SOS2: variants seen among roughly 807,000 people sequenced by gnomAD.
SOS2 encodes the protein son of sevenless homolog 2.
SOS2 carries 65 observed loss-of-function variants against 148.2 expected under a neutral mutation model. The ratio of observed to expected loss-of-function variants is 0.44; its 90% CI spans 0.36 to 0.54. SOS2 has a LOEUF of 0.54. Ranked by LOEUF, SOS2 falls within the 20% of genes least tolerant of loss-of-function variation. The pLI is 0.00. For synonymous variants in SOS2, 539 were observed against 537.1 expected (o/e 1.00, Z -0.05); for missense variants, 1,341 against 1,590.2 (o/e 0.84, Z 2.67).
In SOS2 at chr14:50,117,993, C is replaced by T. The variant is rs1299738137; in HGVS notation, c.*351G>A. Reference sequence around the variant, plus strand: ...TAAATTCACTGCCTTAAAAAGGCATCTATTACTCAAATTTGAAAAATTTCA... The same window carrying T: ...TAAATTCACTGCCTTAAAAAGGCATTTATTACTCAAATTTGAAAAATTTCA... On this transcript the variant is annotated 3_prime_UTR_variant, in exon 23 of 23. Transcript: ENST00000216373. 1.6e-5 allele frequency: 3 copies of T among 186,224 alleles called. No individual in the cohort carries two copies. In the East Asian group the frequency reaches 4.4e-4, roughly 27 times the overall value. 11.5% of individuals were successfully genotyped at this position (186,224 alleles called of 1,614,324 possible). A position where few individuals can be genotyped will look rare whatever the true frequency, so the allele number is the denominator to read the frequency against.
At chr14:50,147,668 G>C (rs532928349) in intron 14 of SOS2, among the ~76,000 whole-genome samples, 1 of 152,264 alleles carries the variant, frequency 6.6e-6, no homozygotes, top group Non-Finnish European at 1.5e-5. Context: ...AATAAGATTT[G>C]GGAGAATTAC....
At chr14:50,175,034 G>A (rs936569642) in intron 7 of SOS2, among the ~76,000 whole-genome samples, 18 of 147,748 alleles carry the variant, frequency 1.2e-4, no homozygotes, top group Admixed American at 2.1e-4. Flanking sequence ...TGACAAAGTC[G>A]ATCTTCACTG....
intron 1 of SOS2, among the ~76,000 whole-genome samples, chr14:50,212,205 G>A (rs572548724): frequency 6.6e-6 from 1 of 152,386 alleles, no homozygotes; most frequent in East Asian, 1.9e-4. Flanking sequence ...GCCAGGCGCG[G>A]TGGCTCGCGC....
At chr14:50,124,417 C>T (rs918890950) in intron 21 of SOS2, among the ~76,000 whole-genome samples, 8 of 152,116 alleles carry the variant, frequency 5.3e-5, no homozygotes, top group Admixed American at 1.3e-4. Flanking sequence ...AAGGCAGAGG[C>T]GTTGTCTTTC....
At chr14:50,139,515 C>CT (rs1884199029) in intron 17 of SOS2, among the ~76,000 whole-genome samples, 1 of 152,100 alleles carries the variant, frequency 6.6e-6, no homozygotes, top group Non-Finnish European at 1.5e-5. Flanking sequence ...GCCCAAAATA[C>CT]CAAAATTGTT....
At chr14:50,219,475 A>G (rs1049567889) in intron 1 of SOS2, among the ~76,000 whole-genome samples, 24 of 152,198 alleles carry the variant, frequency 1.6e-4, no homozygotes, top group Non-Finnish European at 3.1e-4. Context: ...TAGAAAATGC[A>G]ATCGATAATG....
chr14:50,122,391 C>CTTTTTTTTTTTTTTCTTTT lies in SOS2; in HGVS notation c.3380-2008_3380-2007insAAAAGAAAAAAAAAAAAAA, dbSNP rs1883542725. 1.7e-4 allele frequency among the ~76,000 whole-genome samples: 15 copies of CTTTTTTTTTTTTTTCTTTT among 88,288 alleles called. 1 individual carries two copies. Among genetic ancestry groups the CTTTTTTTTTTTTTTCTTTT allele is most frequent in the African/African-American group, 7.2e-4 (15 of 20,914 alleles). 57.9% of individuals were successfully genotyped at this position (88,288 alleles called of 152,430 possible). A position where few individuals can be genotyped will look rare whatever the true frequency, so the allele number is the denominator to read the frequency against. On this transcript the variant is annotated intron_variant, in intron 21 of 22. Coordinates refer to ENST00000216373, the MANE Select transcript of SOS2 (RefSeq NM_006939.4). Reference sequence around the variant, plus strand: ...ATGAAGAGTGAAAAAGAACCCTGGGCTTTTTTTTTTTTTTTTTTTTTTGAG... The same window carrying CTTTTTTTTTTTTTTCTTTT: ...ATGAAGAGTGAAAAAGAACCCTGGGCTTTTTTTTTTTTTTCTTTTTTTTTTTTTTTTTTTTTTTTTTGAG...
intron 4 of SOS2, among the ~76,000 whole-genome samples, chr14:50,190,981 G>A (rs1322907249): frequency 1.3e-5 from 2 of 152,128 alleles, no homozygotes; most frequent in Non-Finnish European, 2.9e-5. Flanking sequence ...TTCCCCACCA[G>A]AGACCCTTTT....
intron 7 of SOS2, among the ~76,000 whole-genome samples, chr14:50,179,988 T>C (rs1020943036): frequency 3.3e-5 from 5 of 151,768 alleles, no homozygotes; most frequent in African/African-American, 9.7e-5. Context: ...TCCAGATTCA[T>C]CTTTATTTTT....
chr14:50,213,890 GAAA>G (rs1242909114), intron 1 of SOS2, among the ~76,000 whole-genome samples: 3 of 80,744 alleles, frequency 3.7e-5, no homozygotes, highest in Non-Finnish European at 5.3e-5. Context: ...TCCCTGCCAA[GAAA>G]AAAAAAAAAA....
intron 1 of SOS2, 61 bp from the exon 2 acceptor site, chr14:50,204,470 A>G: frequency 9.8e-7 from 1 of 1,021,698 alleles, no homozygotes; most frequent in Non-Finnish European, 1.5e-6. Context: ...ACAAAAGTCA[A>G]AGAGAATCTT....
In SOS2 at chr14:50,138,629, TC is replaced by T; in HGVS notation, c.2940del (p.Ile981Ter). The T allele has an allele frequency of 6.4e-7, 1 of 1,557,314 alleles. No homozygotes were observed. Among genetic ancestry groups the T allele is most frequent in the Non-Finnish European group, 8.7e-7 (1 of 1,151,568 alleles). Reference sequence around the variant, plus strand: ...ATATTTACCCTCATATCTGGTTCTATCCGTAAACAGTAAGGCTGATTCTGAT... The same window carrying T: ...ATATTTACCCTCATATCTGGTTCTATCGTAAACAGTAAGGCTGATTCTGAT... ...QQYQNQPYCLRIEPDMRRFFE... is the reference protein window; with the variant it reads ...QQYQNQPYCLXIEPDMRRFFE... On this transcript the variant is annotated frameshift_variant, in exon 18 of 23. Coordinates refer to ENST00000216373, the MANE Select transcript of SOS2 (RefSeq NM_006939.4). LOFTEE classifies it high-confidence loss of function.
In SOS2 at chr14:50,157,061, C is replaced by T. The variant is rs1473353739; in HGVS notation, c.1995G>A (p.Glu665=). 1.2e-6 allele frequency: 2 copies of T among 1,612,570 alleles called. No individual in the cohort carries two copies. Among genetic ancestry groups the T allele is most frequent in the African/African-American group, 2.7e-5 (2 of 74,896 alleles). ...TTTTAAGGTCTGCACTGATTGGCTGCTCGCCTTTCTCTATTGCCAATTTGT... is the reference window on the plus strand; with the variant it reads ...TTTTAAGGTCTGCACTGATTGGCTGTTCGCCTTTCTCTATTGCCAATTTGT... ...DADKLAIEKG[E]QPISADLKRF... Residue 665 remains glutamate, a synonymous_variant, in exon 12 of 23, where the codon GAG becomes GAA. Coordinates refer to ENST00000216373, the MANE Select transcript of SOS2 (RefSeq NM_006939.4).
chr14:50,231,201 C>T lies in SOS2; in HGVS notation c.83G>A (p.Arg28Gln), dbSNP rs1887533896. 1.4e-6 allele frequency: 2 copies of T among 1,475,600 alleles called. No homozygotes were observed. Among genetic ancestry groups the T allele is most frequent in the Non-Finnish European group, 1.8e-6 (2 of 1,097,722 alleles). 91.4% of individuals were successfully genotyped at this position (1,475,600 alleles called of 1,614,324 possible). The change falls in exon 1 of 23, where the codon CGG (arginine) becomes CAG (glutamine). Residue 28 changes from arginine to glutamine, a missense_variant. By Grantham distance (43) the Arg-to-Gln change is conservative. This residue lies in a region of SOS2 where 574 missense variants were observed against 711.1 expected (regional missense o/e 0.81). Transcript: ENST00000216373. ...KWRGLLVSAL[R>Q]KVQEQVHPTL... ...CGCCCCGCCCCTAGCACTGACCTTCCGCAGGGCCGAGACCAACAGTCCCCG... is the reference window on the plus strand; with the variant it reads ...CGCCCCGCCCCTAGCACTGACCTTCTGCAGGGCCGAGACCAACAGTCCCCG...
At position 50,120,345 on chromosome 14, in the gene SOS2, C is replaced by G; in HGVS notation, c.3419G>C (p.Ser1140Thr). 1 of 1,607,198 alleles carries G rather than the reference C, an allele frequency of 6.2e-7. No individual in the cohort carries two copies. Among genetic ancestry groups the G allele is most frequent in the Non-Finnish European group, 8.5e-7 (1 of 1,175,414 alleles). The change falls in exon 22 of 23, where the codon AGT becomes ACT. Residue 1140 changes from serine to threonine, a missense_variant. Transcript: ENST00000216373. Reference sequence around the variant, plus strand: ...AGGAGGAGGAATCAGGGGCTCTTCACTTAGTTTATGTAAACTACCACATGA... The same window carrying G: ...AGGAGGAGGAATCAGGGGCTCTTCAGTTAGTTTATGTAAACTACCACATGA... The part of the protein sequence containing the change: ...FSSCGSLHKL[S>T]EEPLIPPPLP...
At chr14:50,202,833 T>A (rs575066259) in intron 2 of SOS2, among the ~76,000 whole-genome samples, 1 of 152,084 alleles carries the variant, frequency 6.6e-6, no homozygotes, top group South Asian at 2.1e-4. Flanking sequence ...AATAGCTCAA[T>A]CACTACAAAT....
chr14:50,146,586 G>T (rs1208228056), intron 14 of SOS2, among the ~76,000 whole-genome samples: 1 of 152,224 alleles, frequency 6.6e-6, no homozygotes, highest in South Asian at 2.1e-4. Context: ...GCAGAGGGTT[G>T]CAGTGAGCTG....
intron 14 of SOS2, among the ~76,000 whole-genome samples, chr14:50,148,018 T>TA (rs1884546452): frequency 6.6e-6 from 1 of 152,194 alleles, no homozygotes; most frequent in Non-Finnish European, 1.5e-5. Flanking sequence ...GGTTATTCAT[T>TA]AAAAAAATAT....
At chr14:50,154,906 A>G (rs1039162612) in intron 12 of SOS2, among the ~76,000 whole-genome samples, 1 of 152,206 alleles carries the variant, frequency 6.6e-6, no homozygotes, top group Non-Finnish European at 1.5e-5. Flanking sequence ...CAACAAAAGT[A>G]CACTTAAGAT....
Sources: allele counts gnomAD v4.1 joint callset (sites outside exome capture counted in the v4.1 genomes callset), GRCh38; gene constraint gnomAD v4.1.1; regional missense constraint gnomAD v4.1.1; transcripts MANE v1.5; gene names NCBI Gene and HGNC (gene_info 2026-07-23, HGNC 2026-07-21).